Variants in RHEX observed in about 807,000 individuals in gnomAD.
The protein encoded by RHEX is regulator of hemoglobinization and erythroid cell expansion protein.
Under a neutral mutation model 20.1 loss-of-function variants are expected in RHEX, and 18 were observed. That is an observed-to-expected ratio of 0.90 (90% CI 0.62 to 1.33). The LOEUF is 1.33. Ranked by LOEUF, RHEX falls within the 40% of genes most tolerant of loss-of-function variation. The pLI is 0.00. For missense variants in RHEX, 192 were observed against 214.3 expected, an observed-to-expected ratio of 0.90 and a Z score of 0.65; for synonymous variants, 87 against 77.1, an observed-to-expected ratio of 1.13 and a Z score of -0.67.
At chr1:206,086,076 C>T (rs983692495) in intron 1 of RHEX, among the ~76,000 whole-genome samples, 20 of 152,170 alleles carry the variant, frequency 1.3e-4, no homozygotes, top group African/African-American at 4.8e-4. Flanking sequence ...TTTCCTCAGC[C>T]TGGCGTTTTG....
At chr1:206,054,094 CTTTAAAAAA>C (rs1393476315) in intron 1 of RHEX, among the ~76,000 whole-genome samples, 1 of 133,408 alleles carries the variant, frequency 7.5e-6, no homozygotes, top group African/African-American at 3.1e-5. Context: ...AGAAAGTTTG[CTTTAAAAAA>C]AAAAAAAAGG....
At chr1:206,056,313 C>G (rs1662193782) in intron 1 of RHEX, 1 of 152,454 alleles carries the variant, frequency 6.6e-6, no homozygotes, top group African/African-American at 2.4e-5. Context: ...TCCAGTCACA[C>G]CCGGAAGCTG....
intron 1 of RHEX, among the ~76,000 whole-genome samples, chr1:206,060,034 G>T (rs1553283155): frequency 1.3e-5 from 2 of 152,058 alleles, no homozygotes; most frequent in Admixed American, 6.5e-5. Context: ...GGTAAGAATG[G>T]TAGAGCTCTG....
intron 1 of RHEX, among the ~76,000 whole-genome samples, chr1:206,097,228 GTCCC>G (rs1663090994): frequency 6.6e-6 from 1 of 152,152 alleles, no homozygotes; most frequent in South Asian, 2.1e-4. Flanking sequence ...AGTCCCCAGG[GTCCC>G]TCCCTCCTGC....
rs560201067 is a variant in RHEX at position 206,057,963 on chromosome 1, T to C, written c.-97+4698T>C. Among the ~76,000 whole-genome samples, 8 of 152,392 alleles carry C rather than the reference T, an allele frequency of 5.2e-5. No individual in the cohort carries two copies. In the East Asian group the frequency reaches 1.5e-3, roughly 29 times the overall value. ...CCTGGCAAGAGACTATGATGAGAAA[T>C]GCTATCTATCAAAATAGACTAGCTC... On this transcript the variant is annotated intron_variant, in intron 1 of 5. Transcript: ENST00000331555.
intron 1 of RHEX, among the ~76,000 whole-genome samples, chr1:206,055,422 GCTTTAGCCT>G (rs1553282468): frequency 6.6e-6 from 1 of 152,236 alleles, no homozygotes; most frequent in Non-Finnish European, 1.5e-5. Flanking sequence ...TGGCACTTGT[GCTTTAGCCT>G]ATTTGGCTAT....
intron 1 of RHEX, among the ~76,000 whole-genome samples, chr1:206,093,520 C>T (rs991115412): frequency 3.3e-5 from 5 of 152,174 alleles, no homozygotes; most frequent in Admixed American, 6.5e-5. Context: ...CCACCCACCT[C>T]GGCCTCCCAA....
chr1:206,084,596 G>A (rs1319047585), intron 1 of RHEX, among the ~76,000 whole-genome samples: 2 of 152,170 alleles, frequency 1.3e-5, no homozygotes, highest in African/African-American at 4.8e-5. Flanking sequence ...TGGGAAGCAT[G>A]TATCAGGTAC....
chr1:206,070,497 A>G lies in RHEX; in HGVS notation c.-97+17232A>G, dbSNP rs918130199. Among the ~76,000 whole-genome samples, 2 of 152,196 alleles carry G rather than the reference A, an allele frequency of 1.3e-5. 1 individual carries two copies. Among genetic ancestry groups the G allele is most frequent in the South Asian group, 4.1e-4 (2 of 4,830 alleles). On this transcript the variant is annotated intron_variant, in intron 1 of 5. Transcript: ENST00000331555. The stretch of plus-strand genomic sequence containing the variant: ...AAAAAAAATGCATCTATGTTTTAAC[A>G]AAGGCAGGGTCTTGGAACATGAAAT...
chr1:206,053,594 T>C (rs1662114898), intron 1 of RHEX, among the ~76,000 whole-genome samples: 1 of 151,950 alleles, frequency 6.6e-6, no homozygotes, highest in African/African-American at 2.4e-5. Flanking sequence ...GGAACTATGT[T>C]AAAAAAAAAT....
At chr1:206,058,296 T>A (rs1283193179) in intron 1 of RHEX, among the ~76,000 whole-genome samples, 1 of 152,054 alleles carries the variant, frequency 6.6e-6, no homozygotes, top group African/African-American at 2.4e-5. Flanking sequence ...TCGCTTAACC[T>A]TAGTTCACCA....
Position 206,098,148 on chromosome 1 carries a change from A to T in RHEX, c.79A>T (p.Thr27Ser). The T allele has an allele frequency of 6.2e-7, 1 of 1,613,672 alleles. No homozygotes were observed. The highest frequency in any genetic ancestry group is 1.1e-5 in the South Asian group (1 of 91,060). ...VSLFLQACFL[T>S]AINYLLSRHM... Reference sequence around the variant, plus strand: ...CCTCTTCCTGCAGGCCTGCTTCCTCACCGCCATCAACTACCTGCTCAGCAG... The same window carrying T: ...CCTCTTCCTGCAGGCCTGCTTCCTCTCCGCCATCAACTACCTGCTCAGCAG... Residue 27 changes from threonine to serine, a missense_variant, in exon 3 of 6, where the codon ACC becomes TCC. Physicochemically the swap from Thr to Ser is moderately conservative, Grantham distance 58. Transcript: ENST00000331555.
chr1:206,059,895 C>T (rs369888210), intron 1 of RHEX, among the ~76,000 whole-genome samples: 1 of 152,182 alleles, frequency 6.6e-6, no homozygotes, highest in Admixed American at 6.5e-5. Context: ...TCTTCCTAGC[C>T]GTAGCTCTAC....
chr1:206,066,329 A>T (rs1662421677), intron 1 of RHEX, among the ~76,000 whole-genome samples: 3 of 152,254 alleles, frequency 2.0e-5, no homozygotes. Flanking sequence ...AAAGGGTTAC[A>T]ACCTGGGCCA....
intron 1 of RHEX, among the ~76,000 whole-genome samples, chr1:206,095,015 A>G (rs1431786135): frequency 6.6e-6 from 1 of 152,122 alleles, no homozygotes; most frequent in Non-Finnish European, 1.5e-5. Context: ...CCCTTTGGCC[A>G]TTACACTGGC....
chr1:206,088,480 C>T (rs781800334), intron 1 of RHEX, among the ~76,000 whole-genome samples: 2 of 152,072 alleles, frequency 1.3e-5, no homozygotes, highest in African/African-American at 4.8e-5. Flanking sequence ...GCCAGGAGTT[C>T]GAGACCAGCC....
intron 1 of RHEX, among the ~76,000 whole-genome samples, chr1:206,063,969 T>C (rs1571854002): frequency 2.3e-5 from 3 of 128,774 alleles, no homozygotes; most frequent in Admixed American, 7.7e-5. Context: ...CAGGCCGCCA[T>C]CCCATCTAGG....
At chr1:206,069,562 T>C (rs1389669063) in intron 1 of RHEX, among the ~76,000 whole-genome samples, 1 of 152,192 alleles carries the variant, frequency 6.6e-6, no homozygotes, top group Non-Finnish European at 1.5e-5. Context: ...CTGTCCTAGT[T>C]TTAGCATTGA....
At chr1:206,090,714 T>C (rs1553286944) in intron 1 of RHEX, among the ~76,000 whole-genome samples, 1 of 152,048 alleles carries the variant, frequency 6.6e-6, no homozygotes, top group Non-Finnish European at 1.5e-5. Flanking sequence ...TTGTCTTTCA[T>C]GTCTCTCAAT....
Sources: allele counts gnomAD v4.1 joint callset (sites outside exome capture counted in the v4.1 genomes callset), GRCh38; gene constraint gnomAD v4.1.1; transcripts MANE v1.5; gene names NCBI Gene and HGNC (gene_info 2026-07-23, HGNC 2026-07-21).